CNTNAP3: variants seen among roughly 807,000 people sequenced by gnomAD.
CNTNAP3 encodes contactin-associated protein-like 3.
CNTNAP3 carries 36 observed loss-of-function variants against 92.1 expected under a neutral mutation model. The ratio of observed to expected loss-of-function variants is 0.39; its 90% CI spans 0.30 to 0.52. The LOEUF (loss-of-function observed/expected upper bound fraction) is 0.52, where lower values mean the gene tolerates loss of function less well. CNTNAP3 is among the 20% of genes least tolerant of loss of function. The pLI is 0.76. For synonymous variants in CNTNAP3, 232 were observed against 422.3 expected, an observed-to-expected ratio of 0.55 and a Z score of 5.53; for missense variants, 534 against 1,069.6, an observed-to-expected ratio of 0.50 and a Z score of 6.98.
chr9:39,147,732 G>A (rs1232591633), intron 10 of CNTNAP3, among the ~76,000 whole-genome samples: 1 of 152,144 alleles, frequency 6.6e-6, no homozygotes, highest in Non-Finnish European at 1.5e-5. Flanking sequence ...GACCAAGTTA[G>A]GCACCAATGT....
At position 39,068,799 on chromosome 9, in the gene CNTNAP3, A is replaced by G. The variant is rs1247948643; in HGVS notation, c.*5091T>C. Among the ~76,000 whole-genome samples, 1 of 152,310 alleles carries G rather than the reference A, an allele frequency of 6.6e-6. No homozygotes were observed. Among genetic ancestry groups the G allele is most frequent in the Non-Finnish European group, 1.5e-5 (1 of 68,056 alleles). ...GCTGTCTCAAATTCTCTCAAGTTGT[A>G]AGCTGGGATACTCACAGCACACATC... is the stretch of plus-strand genomic sequence containing the variant. On this transcript the variant is annotated 3_prime_UTR_variant, in exon 24 of 24. Transcript: ENST00000297668.
At chr9:39,130,058 A>T (rs902644581) in intron 13 of CNTNAP3, among the ~76,000 whole-genome samples, 1 of 152,172 alleles carries the variant, frequency 6.6e-6, no homozygotes, top group Non-Finnish European at 1.5e-5. Context: ...GAATGGTACA[A>T]CCATTCTAGA....
chr9:39,095,584 A>C (rs1826306836), intron 18 of CNTNAP3, among the ~76,000 whole-genome samples: 1 of 144,894 alleles, frequency 6.9e-6, no homozygotes, highest in African/African-American at 2.5e-5. Context: ...TAAGATAATC[A>C]TGTTTTTTTT....
chr9:39,131,836 TG>T (rs1377992570), intron 13 of CNTNAP3, among the ~76,000 whole-genome samples: 1 of 150,156 alleles, frequency 6.7e-6, no homozygotes, highest in African/African-American at 2.5e-5. Context: ...GCAGAGGAAA[TG>T]GTCTGGCATA....
At chr9:39,117,438 T>C (rs1820886094) in intron 14 of CNTNAP3, among the ~76,000 whole-genome samples, 1 of 152,124 alleles carries the variant, frequency 6.6e-6, no homozygotes, top group African/African-American at 2.4e-5. Flanking sequence ...AAGAGTAACC[T>C]CAAAAAGAAC....
chr9:39,082,690 G>C lies in CNTNAP3; in HGVS notation c.3442+3046C>G, dbSNP rs1300689845. Among the ~76,000 whole-genome samples the C allele has an allele frequency of 3.3e-5, 5 of 152,264 alleles. No individual in the cohort carries two copies. In the East Asian group the frequency reaches 5.8e-4, roughly 18 times the overall value. On this transcript the variant is annotated intron_variant, in intron 21 of 23. Coordinates refer to ENST00000297668, the MANE Select transcript of CNTNAP3 (RefSeq NM_033655.5). ...AGGGATAAGGTCATGACCCCCTCCA[G>C]GACAAAGAACAGACTTGCTTAGTGC...
chr9:39,067,955 T>C lies in CNTNAP3; in HGVS notation c.*5935A>G, dbSNP rs1418928533. Among the ~76,000 whole-genome samples, 3 of 152,310 alleles carry C rather than the reference T, an allele frequency of 2.0e-5. No homozygotes were observed. Among genetic ancestry groups the C allele is most frequent in the African/African-American group, 4.8e-5 (2 of 41,486 alleles). On this transcript the variant is annotated 3_prime_UTR_variant, in exon 24 of 24. Transcript: ENST00000297668. ...CTCTATTCATGGTTGTATGTGAACA[T>C]GCACTCTCAGTGAGAGTAATATTGT...
At chr9:39,140,460 A>C in intron 12 of CNTNAP3, 59 bp downstream of exon 12, 1 of 1,592,244 alleles carries the variant, frequency 6.3e-7, no homozygotes, top group Non-Finnish European at 8.5e-7. Flanking sequence ...AATGCTGCCA[A>C]CTAGGTAAAT....
intron 8 of CNTNAP3, among the ~76,000 whole-genome samples, chr9:39,168,584 C>A (rs576620553): frequency 1.7e-4 from 6 of 34,660 alleles, no homozygotes; most frequent in African/African-American, 5.7e-4. Context: ...AAAGTGCCCT[C>A]TTTAAGAATA....
chr9:39,137,766 A>G (rs1468892888), intron 12 of CNTNAP3, among the ~76,000 whole-genome samples: 2 of 152,144 alleles, frequency 1.3e-5, no homozygotes, highest in East Asian at 3.9e-4. Context: ...CACCTGCCTC[A>G]GCCTCCCACA....
chr9:39,168,522 A>G (rs1822215306), intron 8 of CNTNAP3, among the ~76,000 whole-genome samples: 1 of 69,238 alleles, frequency 1.4e-5, no homozygotes, highest in African/African-American at 5.7e-5. Flanking sequence ...TGATTCTCTC[A>G]TAAACTAATG....
chr9:39,133,210 T>A, intron 12 of CNTNAP3, 75 bp from the exon 13 acceptor site: 1 of 1,474,282 alleles, frequency 6.8e-7, no homozygotes, highest in Non-Finnish European at 9.2e-7. Context: ...CAGACCTGTC[T>A]TTTATGTGAA....
chr9:39,084,436 C>T (rs1237961203), intron 21 of CNTNAP3, among the ~76,000 whole-genome samples: 3 of 152,162 alleles, frequency 2.0e-5, no homozygotes, highest in Admixed American at 6.5e-5. Flanking sequence ...CCTCGTGATC[C>T]GCCTGCCTCA....
chr9:39,132,545 A>G (rs1446933064), intron 13 of CNTNAP3, among the ~76,000 whole-genome samples: 2 of 152,156 alleles, frequency 1.3e-5, no homozygotes, highest in Non-Finnish European at 2.9e-5. Flanking sequence ...GTAGATTTAG[A>G]GGAAGACTTT....
intron 18 of CNTNAP3, among the ~76,000 whole-genome samples, chr9:39,095,823 A>G (rs563765710): frequency 4.0e-5 from 6 of 149,818 alleles, no homozygotes; most frequent in Non-Finnish European, 8.9e-5. Flanking sequence ...GATTTAGAAA[A>G]GTTATTTCTA....
intron 12 of CNTNAP3, among the ~76,000 whole-genome samples, chr9:39,135,175 G>T (rs117413561): frequency 0.038 from 5,850 of 152,286 alleles, 164 homozygotes; most frequent in Non-Finnish European, 0.061. Context: ...ATAGACCATT[G>T]TGGTTTCCTT....
chr9:39,082,956 A>T (rs995296698), intron 21 of CNTNAP3, among the ~76,000 whole-genome samples: 4 of 152,148 alleles, frequency 2.6e-5, no homozygotes, highest in African/African-American at 9.7e-5. Flanking sequence ...CCTAGCTCGT[A>T]AATCAGGTAA....
chr9:39,272,884 C>T lies in CNTNAP3; in HGVS notation c.86-5878G>A, dbSNP rs9298992. Among the ~76,000 whole-genome samples, 235 of 30,720 alleles carry T rather than the reference C, an allele frequency of 7.6e-3. 59 individuals are homozygous for T. The highest frequency in any genetic ancestry group is 0.062 in the Middle Eastern group (2 of 32). 20.2% of individuals were successfully genotyped at this position (30,720 alleles called of 152,430 possible). A position where few individuals can be genotyped will look rare whatever the true frequency, so the allele number is the denominator to read the frequency against. On this transcript the variant is annotated intron_variant, in intron 1 of 23. Coordinates refer to ENST00000297668, the MANE Select transcript of CNTNAP3 (RefSeq NM_033655.5). Reference sequence around the variant, plus strand: ...TTGTTTGCAACTCAAAGGATAATTGCGTGAGGGGATGGATACTCCATTTTT... The same window carrying T: ...TTGTTTGCAACTCAAAGGATAATTGTGTGAGGGGATGGATACTCCATTTTT...
intron 21 of CNTNAP3, among the ~76,000 whole-genome samples, chr9:39,083,175 T>A (rs1200552082): frequency 6.6e-6 from 1 of 152,078 alleles, no homozygotes; most frequent in Non-Finnish European, 1.5e-5. Context: ...TAGAGCTCTA[T>A]TTGAAATATA....
Sources: allele counts gnomAD v4.1 joint callset (sites outside exome capture counted in the v4.1 genomes callset), GRCh38; gene constraint gnomAD v4.1.1; transcripts MANE v1.5; gene names NCBI Gene and HGNC (gene_info 2026-07-23, HGNC 2026-07-21).